CPPED1: variants seen among roughly 807,000 people sequenced by gnomAD.
The protein encoded by CPPED1 is calcineurin like phosphoesterase domain containing 1.
CPPED1 carries 28 observed loss-of-function variants against 28.0 expected under a neutral mutation model. The observed-to-expected ratio is 1.00, with a 90% CI of 0.74 to 1.37. The LOEUF is 1.37. Among genes scored for constraint, CPPED1 ranks in the 40% most tolerant of loss-of-function variants. The probability of loss-of-function intolerance (pLI) is 0.00; values close to 1 mark genes in which losing one functional copy is unlikely to be tolerated. For synonymous variants in CPPED1, 198 were observed against 180.2 expected (o/e 1.10, Z -0.79); for missense variants, 504 against 416.5 (o/e 1.21, Z -1.83).
chr16:12,724,815 G>C (rs4780473), intron 2 of CPPED1, among the ~76,000 whole-genome samples: 122,194 of 152,028 alleles, frequency 0.8, 49,463 homozygotes, highest in African/African-American at 0.9. Flanking sequence ...GAGACGGAGT[G>C]TCACTCTGTC....
At chr16:12,705,766 C>T (rs2080046894) in intron 2 of CPPED1, among the ~76,000 whole-genome samples, 1 of 152,188 alleles carries the variant, frequency 6.6e-6, no homozygotes, top group South Asian at 2.1e-4. Context: ...CTTAGCCTCC[C>T]AAAGTGTTGG....
At chr16:12,799,571 T>C (rs1384813891) in intron 1 of CPPED1, among the ~76,000 whole-genome samples, 1 of 152,226 alleles carries the variant, frequency 6.6e-6, no homozygotes, top group Non-Finnish European at 1.5e-5. Context: ...TTTAACTTTC[T>C]CAGTCTGCCC....
chr16:12,688,760 C>G (rs896327108), intron 3 of CPPED1, among the ~76,000 whole-genome samples: 8 of 152,170 alleles, frequency 5.3e-5, no homozygotes, highest in African/African-American at 1.9e-4. Flanking sequence ...CCCTTGTCTC[C>G]AAGGAACACG....
chr16:12,745,589 G>A (rs569580137), intron 2 of CPPED1, among the ~76,000 whole-genome samples: 80 of 152,266 alleles, frequency 5.3e-4, no homozygotes, highest in Middle Eastern at 6.8e-3. Flanking sequence ...ACCAAATACC[G>A]CATGTTCTCA....
intron 1 of CPPED1, among the ~76,000 whole-genome samples, chr16:12,782,457 G>A (rs2141239612): frequency 6.6e-6 from 1 of 151,808 alleles, no homozygotes; most frequent in East Asian, 1.9e-4. Context: ...ATCCTCTGAA[G>A]AAACTGAGGC....
chr16:12,768,831 G>A (rs181100619), intron 2 of CPPED1, among the ~76,000 whole-genome samples: 2 of 151,948 alleles, frequency 1.3e-5, no homozygotes, highest in East Asian at 3.9e-4. Context: ...GATTAATTCA[G>A]GGTATGGTTT....
chr16:12,729,896 C>G (rs1596462769), intron 2 of CPPED1, among the ~76,000 whole-genome samples: 1 of 152,284 alleles, frequency 6.6e-6, no homozygotes, highest in East Asian at 1.9e-4. Flanking sequence ...GAGTCTCACT[C>G]TGTTGCCGAG....
At chr16:12,731,315 G>C (rs2080196073) in intron 2 of CPPED1, among the ~76,000 whole-genome samples, 1 of 151,146 alleles carries the variant, frequency 6.6e-6, no homozygotes, top group South Asian at 2.1e-4. Flanking sequence ...CACCACGCCT[G>C]GCTGATTTTT....
At chr16:12,683,673 C>T (rs1006176303) in intron 3 of CPPED1, among the ~76,000 whole-genome samples, 1 of 152,164 alleles carries the variant, frequency 6.6e-6, no homozygotes, top group African/African-American at 2.4e-5. Flanking sequence ...CTGGTCCATG[C>T]GTCCTGTTGA....
intron 3 of CPPED1, among the ~76,000 whole-genome samples, chr16:12,702,030 G>C (rs1302026663): frequency 7.2e-5 from 11 of 152,202 alleles, no homozygotes; most frequent in Admixed American, 5.9e-4. Context: ...GTGGAGGCCA[G>C]GGCTGCGGTC....
At chr16:12,802,884 C>A (rs1226724015) in intron 1 of CPPED1, among the ~76,000 whole-genome samples, 2 of 152,162 alleles carry the variant, frequency 1.3e-5, no homozygotes, top group Non-Finnish European at 2.9e-5. Flanking sequence ...GAAGTGGACA[C>A]AAGCCTGATC....
chr16:12,795,349 C>CT (rs111945418), intron 1 of CPPED1, among the ~76,000 whole-genome samples: 4,166 of 148,072 alleles, frequency 0.028, 199 homozygotes, highest in African/African-American at 0.095. Flanking sequence ...AGTCATGCAA[C>CT]TTTTTTTTTT....
intron 1 of CPPED1, among the ~76,000 whole-genome samples, chr16:12,794,446 A>C (rs2141245973): frequency 7.4e-6 from 1 of 134,290 alleles, no homozygotes; most frequent in South Asian, 2.9e-4. Context: ...GTCCTTCAGG[A>C]CCCTGTCCCT....
At chr16:12,769,038 T>C (rs1042194987) in intron 2 of CPPED1, among the ~76,000 whole-genome samples, 27 of 152,050 alleles carry the variant, frequency 1.8e-4, no homozygotes, top group African/African-American at 5.8e-4. Flanking sequence ...GCTAATTTTG[T>C]ATTTTTAGTA....
intron 2 of CPPED1, among the ~76,000 whole-genome samples, chr16:12,724,442 G>A (rs1357565737): frequency 1.3e-5 from 2 of 152,166 alleles, no homozygotes; most frequent in African/African-American, 4.8e-5. Context: ...AGTGGCCCGT[G>A]CAATCCATTA....
At chr16:12,703,990 G>A (rs1468352247) in intron 3 of CPPED1, among the ~76,000 whole-genome samples, 1 of 152,166 alleles carries the variant, frequency 6.6e-6, no homozygotes, top group East Asian at 1.9e-4. Context: ...GACTAAATCC[G>A]TTACTCTCTC....
intron 2 of CPPED1, among the ~76,000 whole-genome samples, chr16:12,736,131 G>A (rs1350849467): frequency 6.6e-6 from 1 of 152,154 alleles, no homozygotes; most frequent in Non-Finnish European, 1.5e-5. Flanking sequence ...TATATCTAGG[G>A]AAGCTTGGGC....
intron 3 of CPPED1, among the ~76,000 whole-genome samples, chr16:12,693,333 C>T (rs1238222637): frequency 6.6e-6 from 1 of 152,114 alleles, no homozygotes; most frequent in Non-Finnish European, 1.5e-5. Context: ...TCCCATGTAG[C>T]TGGGCGTGCA....
chr16:12,768,221 T>C (rs2080450620), intron 2 of CPPED1, among the ~76,000 whole-genome samples: 1 of 152,236 alleles, frequency 6.6e-6, no homozygotes, highest in Admixed American at 6.5e-5. Context: ...TTTTCTTTGG[T>C]CCTGACATAT....
Sources: allele counts gnomAD v4.1 joint callset (sites outside exome capture counted in the v4.1 genomes callset), GRCh38; gene constraint gnomAD v4.1.1; transcripts MANE v1.5; gene names NCBI Gene and HGNC (gene_info 2026-07-23, HGNC 2026-07-21).